GABRA4: variants seen among roughly 807,000 people sequenced by gnomAD.
GABRA4 encodes the protein gamma-aminobutyric acid type A receptor subunit alpha4.
Under a neutral mutation model 49.7 loss-of-function variants are expected in GABRA4, and 12 were observed. That is an observed-to-expected ratio of 0.24 (90% confidence interval 0.15 to 0.39). The LOEUF is 0.39. Among genes scored for constraint, GABRA4 ranks in the 10% least tolerant of loss-of-function variants. The pLI is 1.00. For missense variants in GABRA4, 506 were observed against 686.0 expected, an observed-to-expected ratio of 0.74 and a Z score of 2.93; for synonymous variants, 288 against 240.2, an observed-to-expected ratio of 1.20 and a Z score of -1.84.
chr4:46,953,421 T>C (rs186755893), intron 8 of GABRA4, among the ~76,000 whole-genome samples: 17 of 152,286 alleles, frequency 1.1e-4, no homozygotes, highest in African/African-American at 3.8e-4. Flanking sequence ...TTTTTCCCAC[T>C]TTTAAAACAA....
rs187374892 is a variant in GABRA4, at chr4:46,947,582, A to G, written c.1134+17388T>C. 3.9e-3 allele frequency among the ~76,000 whole-genome samples: 593 copies of G among 152,016 alleles called. 6 individuals are homozygous for G. Among genetic ancestry groups the G allele is most frequent in the African/African-American group, 0.014 (578 of 41,482 alleles). ...GAAAGAAGAAAAGGCGCAAAAAAGG[A>G]AGGAAGGAAGTAAAACAGGAAGGAA... On this transcript the variant is annotated intron_variant, in intron 8 of 8. Transcript: ENST00000264318.
chr4:46,928,798 T>G, intron 8 of GABRA4, 43 bp from the exon 9 acceptor site: 2 of 1,357,176 alleles, frequency 1.5e-6, no homozygotes, highest in Non-Finnish European at 2.0e-6. Flanking sequence ...TGTAACTTTA[T>G]GCAGATTTGT....
chr4:46,935,215 A>C (rs1468099824), intron 8 of GABRA4, among the ~76,000 whole-genome samples: 1 of 152,176 alleles, frequency 6.6e-6, no homozygotes, highest in Non-Finnish European at 1.5e-5. Context: ...TGGGCTCCCA[A>C]ATAAGACAGA....
At position 46,922,861 on chromosome 4, in the gene GABRA4, C is replaced by G. The variant is rs1356227902; in HGVS notation, c.*5364G>C. On this transcript the variant is annotated 3_prime_UTR_variant, in exon 9 of 9. Transcript: ENST00000264318. ...TGTAAATAGTTACAGAGCAGTGGTC[C>G]CCAACCCCTGGGCCACTGACCAGTA... The G allele has an allele frequency of 6.6e-6, 1 of 151,980 alleles. No homozygotes were observed. Among genetic ancestry groups the G allele is most frequent in the Non-Finnish European group, 1.5e-5 (1 of 67,972 alleles). 9.4% of individuals were successfully genotyped at this position (151,980 alleles called of 1,614,324 possible). A position where few individuals can be genotyped will look rare whatever the true frequency, so the allele number is the denominator to read the frequency against.
chr4:46,929,436 C>T (rs1001162329), intron 8 of GABRA4, among the ~76,000 whole-genome samples: 3 of 151,984 alleles, frequency 2.0e-5, no homozygotes, highest in Non-Finnish European at 4.4e-5. Flanking sequence ...TTATAAACAG[C>T]ATCAACCAAC....
intron 8 of GABRA4, among the ~76,000 whole-genome samples, chr4:46,953,481 A>G (rs1389647451): frequency 6.6e-6 from 1 of 152,198 alleles, no homozygotes; most frequent in Non-Finnish European, 1.5e-5. Flanking sequence ...TGCACATAAA[A>G]TAGATTATTT....
At chr4:46,953,349 C>G (rs1722237734) in intron 8 of GABRA4, among the ~76,000 whole-genome samples, 1 of 152,060 alleles carries the variant, frequency 6.6e-6, no homozygotes, top group Non-Finnish European at 1.5e-5. Context: ...ATTTATATCA[C>G]TATACTCTGT....
At chr4:46,959,404 T>C (rs1722478495) in intron 8 of GABRA4, among the ~76,000 whole-genome samples, 1 of 151,946 alleles carries the variant, frequency 6.6e-6, no homozygotes, top group African/African-American at 2.4e-5. Context: ...AAATTTTGAC[T>C]ATATTTATTT....
intron 8 of GABRA4, among the ~76,000 whole-genome samples, chr4:46,954,482 G>A (rs976917782): frequency 2.0e-5 from 3 of 151,754 alleles, no homozygotes; most frequent in South Asian, 2.1e-4. Flanking sequence ...ACTTGAATCC[G>A]GGAGGTGGAG....
chr4:46,964,848 T>C, intron 8 of GABRA4, 122 bp downstream of exon 8: 1 of 1,073,702 alleles, frequency 9.3e-7, no homozygotes, highest in Non-Finnish European at 1.3e-6. Context: ...TATGTTTTTC[T>C]GTATTTTTAA....
chr4:46,986,157 G>T (rs571208686), intron 2 of GABRA4, among the ~76,000 whole-genome samples: 43 of 151,832 alleles, frequency 2.8e-4, no homozygotes, highest in South Asian at 1.9e-3. Flanking sequence ...ATACAGCATT[G>T]TTCCCACCAA....
At chr4:46,936,136 CAT>C (rs1247415092) in intron 8 of GABRA4, among the ~76,000 whole-genome samples, 1 of 152,154 alleles carries the variant, frequency 6.6e-6, no homozygotes, top group Non-Finnish European at 1.5e-5. Flanking sequence ...CACCTAATGT[CAT>C]GTGCCATGTA....
At chr4:46,966,024 G>A (rs149047763) in intron 7 of GABRA4, among the ~76,000 whole-genome samples, 3 of 148,704 alleles carry the variant, frequency 2.0e-5, no homozygotes, top group Non-Finnish European at 3.0e-5. Context: ...ATCCAGGAAC[G>A]CTTTCTCCTT....
rs1722709783 is a variant in GABRA4 at position 46,965,136 on chromosome 4, A to G, written c.968T>C (p.Ile323Thr). 6.2e-7 allele frequency: 1 copy of G among 1,612,206 alleles called. No homozygotes were observed. The highest frequency in any genetic ancestry group is 2.2e-5 in the East Asian group (1 of 44,802). Residue 323 changes from isoleucine to threonine, a missense_variant, in exon 8 of 9, where the codon ATA becomes ACA. Around this residue, in one of 5 missense-constraint regions of GABRA4, gnomAD observed 33 missense variants for 102.5 expected, o/e 0.32. Coordinates refer to ENST00000264318, the MANE Select transcript of GABRA4 (RefSeq NM_000809.4). ...VSYATAMDWF[I>T]AVCFAFVFSA... Reference sequence around the variant, plus strand: ...AAATACAAAAGCAAAGCAGACAGCTATGAACCAGTCCATGGCGGTAGCATA... The same window carrying G: ...AAATACAAAAGCAAAGCAGACAGCTGTGAACCAGTCCATGGCGGTAGCATA...
At chr4:46,981,124 C>T (rs533978579) in intron 2 of GABRA4, among the ~76,000 whole-genome samples, 90 of 152,092 alleles carry the variant, frequency 5.9e-4, no homozygotes, top group Non-Finnish European at 1.0e-3. Flanking sequence ...CTAACAAGTT[C>T]CTAGCTGAGG....
At chr4:46,942,679 G>A (rs1008515735) in intron 8 of GABRA4, among the ~76,000 whole-genome samples, 3 of 148,542 alleles carry the variant, frequency 2.0e-5, no homozygotes, top group African/African-American at 7.4e-5. Flanking sequence ...ATGTAACACT[G>A]TTAATGAATT....
Position 46,979,014 on chromosome 4 carries a change from A to T in GABRA4, c.273+17T>A, listed in dbSNP as rs190573154. 2.5e-6 allele frequency: 4 copies of T among 1,568,654 alleles called. No homozygotes were observed. Among genetic ancestry groups the T allele is most frequent in the Non-Finnish European group, 3.5e-6 (4 of 1,140,538 alleles). ...CTTCAAGTCTCAAAAGGTACATTAA[A>T]CTTCGAAAATACCTACCATTTCAAC... On this transcript the variant is annotated intron_variant, in intron 3 of 8. Transcript: ENST00000264318.
intron 8 of GABRA4, among the ~76,000 whole-genome samples, chr4:46,941,238 ATCATTATCAT>A (rs1377603389): frequency 1.3e-5 from 2 of 152,168 alleles, no homozygotes; most frequent in African/African-American, 4.8e-5. Context: ...ACTATGAACT[ATCATTATCAT>A]TCATTATCAT....
chr4:46,938,824 A>G (rs1721691148), intron 8 of GABRA4, among the ~76,000 whole-genome samples: 1 of 152,030 alleles, frequency 6.6e-6, no homozygotes, highest in Non-Finnish European at 1.5e-5. Context: ...CACTGATTCA[A>G]CTCATTCATT....
Sources: gnomAD v4.1 joint callset for allele counts (sites outside exome capture counted in the v4.1 genomes callset) on GRCh38, gnomAD v4.1.1 for gene constraint, gnomAD v4.1.1 regional missense constraint, MANE v1.5 for transcripts, NCBI Gene and HGNC (gene_info 2026-07-23, HGNC 2026-07-21) for gene names.